The following SPTLC1 variants were observed in gnomAD, a reference collection of about 807,000 sequenced individuals.
The protein encoded by SPTLC1 is serine palmitoyltransferase 1.
A neutral mutation model predicts 68.9 loss-of-function variants in SPTLC1; 55 were observed. That is an observed-to-expected ratio of 0.80 (90% CI 0.64 to 1.00). SPTLC1 has a LOEUF of 1.00. SPTLC1 is among the 50% of genes least tolerant of loss of function. SPTLC1 has a pLI of 0.00. For missense variants in SPTLC1, 449 were observed against 573.1 expected (o/e 0.78, Z 2.21); for synonymous variants, 197 against 201.6 (o/e 0.98, Z 0.19).
chr9:92,058,378 T>C (rs1244520094), intron 7 of SPTLC1, among the ~76,000 whole-genome samples: 1 of 152,212 alleles, frequency 6.6e-6, no homozygotes, highest in African/African-American at 2.4e-5. Context: ...ATTCTAGTTA[T>C]GACTGAGTTG....
chr9:92,089,594 TACATACTGA>T (rs1835283240), intron 3 of SPTLC1, among the ~76,000 whole-genome samples: 1 of 151,512 alleles, frequency 6.6e-6, no homozygotes, highest in Non-Finnish European at 1.5e-5. Context: ...TATGAAAGAG[TACATACTGA>T]ACGTAGAGGA....
chr9:92,079,314 G>A (rs911449186), intron 5 of SPTLC1: 8 of 1,145,894 alleles, frequency 7.0e-6, no homozygotes, highest in South Asian at 1.8e-5. Context: ...GACCTCAGGT[G>A]ATCTGCCTGC....
At chr9:92,112,583 A>G (rs1433660334) in intron 1 of SPTLC1, 21 bp from the exon 2 acceptor site, 1 of 1,495,906 alleles carries the variant, frequency 6.7e-7, no homozygotes, top group Non-Finnish European at 9.2e-7. Flanking sequence ...GTCAAAAACA[A>G]GTAAGATATG....
chr9:92,104,378 A>G, intron 3 of SPTLC1: 5 of 1,401,838 alleles, frequency 3.6e-6, no homozygotes, highest in Non-Finnish European at 4.7e-6. Context: ...TTCAACCGTC[A>G]GCGACATCTT....
Position 92,061,985 on chromosome 9 carries a change from C to CA in SPTLC1, c.561-2678_561-2677insT, listed in dbSNP as rs199583884. On this transcript the variant is annotated intron_variant, in intron 6 of 14. Transcript: ENST00000262554. ...GACTTTGTTTTAACAGACTTAAACT[C>CA]TACTATGTCAATAATTACATTAAAT... 1.1e-3 allele frequency among the ~76,000 whole-genome samples: 164 copies of CA among 152,186 alleles called. 1 individual carries two copies. The East Asian group carries it at 0.018, about 17-fold the overall frequency.
intron 3 of SPTLC1, 62 bp from the exon 4 acceptor site, chr9:92,081,025 C>A: frequency 7.8e-7 from 1 of 1,281,228 alleles, no homozygotes; most frequent in Non-Finnish European, 1.1e-6. Flanking sequence ...TATCATATTA[C>A]CTTGGTGGTA....
chr9:92,075,228 C>T (rs994003575), intron 5 of SPTLC1, among the ~76,000 whole-genome samples: 1 of 152,140 alleles, frequency 6.6e-6, no homozygotes, highest in African/African-American at 2.4e-5. Flanking sequence ...CATAGGTGTG[C>T]ACTTCCAGCA....
Position 92,038,345 on chromosome 9 carries a change from A to G in SPTLC1, c.1157T>C (p.Val386Ala). 6.2e-7 allele frequency: 1 copy of G among 1,613,314 alleles called. No homozygotes were observed. The highest frequency in any genetic ancestry group is 2.2e-5 in the East Asian group (1 of 44,882). ...ALQGISGLKV[V>A]GESLSPAFHL... ...AAAGGCTGGAGAAAGGGACTCCCCCACCACTTTTAATCCAGAAATGCTGAA... is the reference window on the plus strand; with the variant it reads ...AAAGGCTGGAGAAAGGGACTCCCCCGCCACTTTTAATCCAGAAATGCTGAA... Residue 386 changes from valine (V) to alanine (A), a missense_variant, in exon 13 of 15, where the codon GTG becomes GCG. Coordinates refer to ENST00000262554, the MANE Select transcript of SPTLC1 (RefSeq NM_006415.4).
intron 7 of SPTLC1, among the ~76,000 whole-genome samples, 195 bp downstream of exon 7, chr9:92,058,984 T>C (rs1431013644): frequency 6.6e-6 from 1 of 152,188 alleles, no homozygotes; most frequent in Non-Finnish European, 1.5e-5. Flanking sequence ...ATTTGCTATA[T>C]GTAATTACGG....
At chr9:92,091,395 G>A (rs998469626) in intron 3 of SPTLC1, among the ~76,000 whole-genome samples, 19 of 152,190 alleles carry the variant, frequency 1.2e-4, no homozygotes, top group Admixed American at 5.9e-4. Context: ...TCAGACAGAC[G>A]TGAAAATGAC....
At chr9:92,091,375 A>C (rs1564110656) in intron 3 of SPTLC1, among the ~76,000 whole-genome samples, 1 of 152,244 alleles carries the variant, frequency 6.6e-6, no homozygotes, top group Non-Finnish European at 1.5e-5. Context: ...AAAGTTATGC[A>C]TCCAAGTATT....
At chr9:92,087,264 A>T (rs1835180467) in intron 3 of SPTLC1, among the ~76,000 whole-genome samples, 1 of 152,188 alleles carries the variant, frequency 6.6e-6, no homozygotes, top group African/African-American at 2.4e-5. Context: ...TTCTCCATCC[A>T]GCTTTGTTCC....
chr9:92,065,002 A>ATT (rs1834233343), intron 6 of SPTLC1, among the ~76,000 whole-genome samples: 1 of 152,260 alleles, frequency 6.6e-6, no homozygotes, highest in African/African-American at 2.4e-5. Context: ...CTGTGGCGAC[A>ATT]GAAATGTTCT....
At chr9:92,098,783 A>G (rs1453117009) in intron 3 of SPTLC1, among the ~76,000 whole-genome samples, 1 of 152,178 alleles carries the variant, frequency 6.6e-6, no homozygotes, top group African/African-American at 2.4e-5. Context: ...GGAAATAGCC[A>G]ATGCAGAACA....
intron 3 of SPTLC1, among the ~76,000 whole-genome samples, chr9:92,094,219 T>C (rs1457189673): frequency 2.0e-5 from 3 of 152,186 alleles, no homozygotes; most frequent in Non-Finnish European, 4.4e-5. Context: ...AAGACAAAGT[T>C]AACAGACGGG....
intron 11 of SPTLC1, 156 bp from the exon 12 acceptor site, chr9:92,046,209 C>T (rs534185850): frequency 2.7e-4 from 192 of 698,384 alleles, no homozygotes; most frequent in Middle Eastern, 7.9e-4. Flanking sequence ...CCCTGAAGGC[C>T]CAAGCTTTGT....
intron 13 of SPTLC1, among the ~76,000 whole-genome samples, chr9:92,035,392 T>G (rs1318970118): frequency 6.6e-6 from 1 of 152,228 alleles, no homozygotes; most frequent in African/African-American, 2.4e-5. Flanking sequence ...ATGGTGCCAC[T>G]GGGCACTGCA....
chr9:92,035,468 A>T (rs993988996), intron 13 of SPTLC1, among the ~76,000 whole-genome samples: 1 of 152,240 alleles, frequency 6.6e-6, no homozygotes, highest in African/African-American at 2.4e-5. Flanking sequence ...ACATTAAGAA[A>T]AAATGAAAAC....
At chr9:92,088,616 G>A (rs554281736) in intron 3 of SPTLC1, among the ~76,000 whole-genome samples, 6 of 152,036 alleles carry the variant, frequency 3.9e-5, no homozygotes, top group East Asian at 1.9e-4. Flanking sequence ...TGCCATAAAC[G>A]TTGAGACCAT....
Sources: allele counts gnomAD v4.1 joint callset (sites outside exome capture counted in the v4.1 genomes callset), GRCh38; gene constraint gnomAD v4.1.1; transcripts MANE v1.5; gene names NCBI Gene and HGNC (gene_info 2026-07-23, HGNC 2026-07-21).